ZMAT4: variants seen among roughly 807,000 people sequenced by gnomAD.
ZMAT4 encodes the protein zinc finger matrin-type 4, also known as zinc finger matrin-type protein 4.
ZMAT4 carries 17 observed loss-of-function variants against 28.7 expected under a neutral mutation model. That is an observed-to-expected ratio of 0.59 (90% CI 0.41 to 0.89). ZMAT4 has a LOEUF of 0.89. Among genes scored for constraint, ZMAT4 ranks in the 40% least tolerant of loss-of-function variants. The pLI is 0.00. For missense variants in ZMAT4, 240 were observed against 283.8 expected (o/e 0.85, Z 1.11); for synonymous variants, 117 against 109.2 (o/e 1.07, Z -0.44).
chr8:40,556,792 G>A (rs1803554342), intron 6 of ZMAT4, among the ~76,000 whole-genome samples: 1 of 152,114 alleles, frequency 6.6e-6, no homozygotes, highest in African/African-American at 2.4e-5. Flanking sequence ...GAGTACTTGG[G>A]ATATCTATCA....
chr8:40,569,532 G>A (rs984360756), intron 6 of ZMAT4, among the ~76,000 whole-genome samples: 2 of 152,194 alleles, frequency 1.3e-5, no homozygotes, highest in African/African-American at 4.8e-5. Context: ...GCTGCTCAGA[G>A]GAGAAGCCAG....
chr8:40,718,458 C>T (rs899375697), intron 3 of ZMAT4, among the ~76,000 whole-genome samples: 2 of 152,180 alleles, frequency 1.3e-5, no homozygotes, highest in African/African-American at 4.8e-5. Flanking sequence ...TATAACAATA[C>T]TTGCAGGATG....
chr8:40,673,890 C>T (rs1488151790), intron 5 of ZMAT4, among the ~76,000 whole-genome samples: 26 of 152,080 alleles, frequency 1.7e-4, no homozygotes, highest in South Asian at 2.1e-4. Flanking sequence ...GGGCATGGTG[C>T]GGAGGAGACA....
intron 5 of ZMAT4, among the ~76,000 whole-genome samples, chr8:40,584,664 G>T (rs544936054): frequency 1.3e-5 from 2 of 151,740 alleles, no homozygotes; most frequent in Non-Finnish European, 2.9e-5. Context: ...ATGGAGTCTC[G>T]CCCTGTCACC....
At chr8:40,866,710 T>A (rs1817686875) in intron 1 of ZMAT4, among the ~76,000 whole-genome samples, 1 of 152,184 alleles carries the variant, frequency 6.6e-6, no homozygotes, top group Non-Finnish European at 1.5e-5. Flanking sequence ...TTTGCTTCTC[T>A]CTGGTGTGTA....
intron 3 of ZMAT4, among the ~76,000 whole-genome samples, chr8:40,705,498 G>A (rs1174614277): frequency 2.0e-5 from 3 of 152,056 alleles, no homozygotes; most frequent in Non-Finnish European, 4.4e-5. Context: ...GAGCAGCATC[G>A]TCCAATAGAA....
At chr8:40,793,977 AC>A (rs1276165396) in intron 2 of ZMAT4, among the ~76,000 whole-genome samples, 1 of 151,968 alleles carries the variant, frequency 6.6e-6, no homozygotes, top group Non-Finnish European at 1.5e-5. Context: ...ATTTCTCCCC[AC>A]CCGCTGGTAT....
chr8:40,690,944 T>C, intron 4 of ZMAT4: 2 of 984,546 alleles, frequency 2.0e-6, no homozygotes, highest in Non-Finnish European at 2.4e-6. Context: ...TGTTTACTGT[T>C]CCTGCAAATA....
At chr8:40,756,472 C>T (rs1308905404) in intron 3 of ZMAT4, among the ~76,000 whole-genome samples, 1 of 63,384 alleles carries the variant, frequency 1.6e-5, no homozygotes. Flanking sequence ...ACTTGTATAC[C>T]TGAAAAAGAG....
chr8:40,595,028 G>T (rs1402030452), intron 5 of ZMAT4, among the ~76,000 whole-genome samples: 1 of 152,148 alleles, frequency 6.6e-6, no homozygotes, highest in Non-Finnish European at 1.5e-5. Flanking sequence ...AGTGATTGAG[G>T]TTATTAAATG....
chr8:40,803,894 C>T (rs7812990), intron 2 of ZMAT4, among the ~76,000 whole-genome samples: 3 of 151,938 alleles, frequency 2.0e-5, no homozygotes, highest in African/African-American at 7.3e-5. Context: ...TTATTCATCA[C>T]TAAAAAGAAA....
chr8:40,857,538 A>T (rs1817342043), intron 1 of ZMAT4, among the ~76,000 whole-genome samples: 1 of 152,174 alleles, frequency 6.6e-6, no homozygotes, highest in African/African-American at 2.4e-5. Flanking sequence ...GCTGGGGAGG[A>T]GGCAGAGTCC....
intron 3 of ZMAT4, among the ~76,000 whole-genome samples, chr8:40,724,382 C>T (rs116823790): frequency 1.6e-3 from 240 of 152,278 alleles, no homozygotes; most frequent in African/African-American, 5.5e-3. Flanking sequence ...TATTGGCTTT[C>T]GGTTCAGTAG....
At chr8:40,751,174 G>C (rs1812437741) in intron 3 of ZMAT4, among the ~76,000 whole-genome samples, 1 of 152,152 alleles carries the variant, frequency 6.6e-6, no homozygotes, top group Admixed American at 6.5e-5. Context: ...ACCTCTGCTA[G>C]CTGCAAATCA....
At position 40,607,689 on chromosome 8, in the gene ZMAT4, G is replaced by T. The variant is rs369335989; in HGVS notation, c.578-26428C>A. Among the ~76,000 whole-genome samples the T allele has an allele frequency of 1.2e-4, 19 of 152,098 alleles. No individual in the cohort carries two copies. In the East Asian group the frequency reaches 1.7e-3, roughly 14 times the overall value. ...CAAGGGAAGATCTCCAGTTCAAGGG[G>T]TGCTATTCAGATTCCTTTTGCCCAC... On this transcript the variant is annotated intron_variant, in intron 5 of 6. Transcript: ENST00000297737.
intron 5 of ZMAT4, among the ~76,000 whole-genome samples, chr8:40,623,175 A>C (rs1018445068): frequency 1.3e-5 from 2 of 152,194 alleles, no homozygotes; most frequent in African/African-American, 4.8e-5. Flanking sequence ...GGCAGCGTGG[A>C]TGCTAAGAGG....
At chr8:40,800,569 T>C (rs1198561275) in intron 2 of ZMAT4, among the ~76,000 whole-genome samples, 1 of 152,054 alleles carries the variant, frequency 6.6e-6, no homozygotes, top group Non-Finnish European at 1.5e-5. Context: ...CAAACCACAG[T>C]GGAATTAACC....
At chr8:40,620,689 A>G (rs1806165877) in intron 5 of ZMAT4, among the ~76,000 whole-genome samples, 1 of 152,192 alleles carries the variant, frequency 6.6e-6, no homozygotes, top group African/African-American at 2.4e-5. Context: ...TGATCAGGTC[A>G]TTTGGTTTCC....
chr8:40,783,296 A>G (rs908201932), intron 2 of ZMAT4, among the ~76,000 whole-genome samples: 8 of 152,262 alleles, frequency 5.3e-5, no homozygotes, highest in Admixed American at 5.2e-4. Context: ...GACAGAAGTC[A>G]GAAACAAGGG....
Sources: gnomAD v4.1 joint callset for allele counts (sites outside exome capture counted in the v4.1 genomes callset) on GRCh38, gnomAD v4.1.1 for gene constraint, MANE v1.5 for transcripts, NCBI Gene and HGNC (gene_info 2026-07-23, HGNC 2026-07-21) for gene names.